Variants in RBFOX1 observed in about 807,000 individuals in gnomAD.
The protein encoded by RBFOX1 is RNA binding protein fox-1 homolog 1.
In RBFOX1, 8 loss-of-function variants were observed where a neutral mutation model predicts 57.7. That is an observed-to-expected ratio of 0.14 (90% CI 0.08 to 0.25). The LOEUF (loss-of-function observed/expected upper bound fraction) is 0.25, where lower values mean the gene tolerates loss of function less well. Among genes scored for constraint, RBFOX1 ranks in the 10% least tolerant of loss-of-function variants. The pLI is 1.00. For synonymous variants in RBFOX1, 326 were observed against 222.4 expected, an observed-to-expected ratio of 1.47 and a Z score of -4.15; for missense variants, 611 against 548.5, an observed-to-expected ratio of 1.11 and a Z score of -1.14.
chr16:5,793,208 C>G (rs1285231318), intron 3 of RBFOX1, among the ~76,000 whole-genome samples: 2 of 152,226 alleles, frequency 1.3e-5, no homozygotes, highest in East Asian at 3.9e-4. Context: ...CTTAGAGAGG[C>G]CAGGAGCCCA....
intron 1 of RBFOX1, among the ~76,000 whole-genome samples, chr16:6,222,878 AGT>A (rs1164638103): frequency 6.6e-6 from 1 of 151,660 alleles, no homozygotes; most frequent in Non-Finnish European, 1.5e-5. Context: ...CAGTCCCCAG[AGT>A]GTGATGTTCC....
At chr16:6,779,953 A>C (rs368866412) in intron 3 of RBFOX1, among the ~76,000 whole-genome samples, 505 of 40,526 alleles carry the variant, frequency 0.012, 3 homozygotes, top group Middle Eastern at 0.032. Context: ...ATATTTATAT[A>C]TTTATATATT....
At chr16:5,637,434 T>G (rs1344559031) in intron 3 of RBFOX1, among the ~76,000 whole-genome samples, 1 of 152,144 alleles carries the variant, frequency 6.6e-6, no homozygotes, top group East Asian at 1.9e-4. Context: ...AATTGATGTC[T>G]CTGAACTTCA....
intron 3 of RBFOX1, among the ~76,000 whole-genome samples, chr16:6,838,668 G>T (rs1477200893): frequency 6.6e-6 from 1 of 152,080 alleles, no homozygotes; most frequent in South Asian, 2.1e-4. Context: ...TCTTTATTGG[G>T]CAAAGCCGAT....
intron 2 of RBFOX1, among the ~76,000 whole-genome samples, chr16:5,512,250 A>G (rs1484419304): frequency 6.6e-6 from 1 of 152,234 alleles, no homozygotes; most frequent in African/African-American, 2.4e-5. Flanking sequence ...ATATGCATTT[A>G]GGAGGAGAAG....
intron 4 of RBFOX1, among the ~76,000 whole-genome samples, chr16:7,235,280 C>T (rs923430341): frequency 6.6e-6 from 1 of 152,266 alleles, no homozygotes; most frequent in African/African-American, 2.4e-5. Context: ...AGAAAGAAAG[C>T]CACTTGTTCA....
intron 2 of RBFOX1, among the ~76,000 whole-genome samples, chr16:6,418,101 G>A (rs1402046664): frequency 6.6e-6 from 1 of 152,258 alleles, no homozygotes; most frequent in African/African-American, 2.4e-5. Context: ...AAGTACGAAT[G>A]GTAAGTAACA....
chr16:7,524,992 C>T (rs1342854416), intron 5 of RBFOX1, among the ~76,000 whole-genome samples: 2 of 152,160 alleles, frequency 1.3e-5, no homozygotes, highest in Non-Finnish European at 2.9e-5. Context: ...TGAAAACTAA[C>T]ATGTCCTAAT....
At chr16:6,410,658 G>A (rs951965094) in intron 2 of RBFOX1, among the ~76,000 whole-genome samples, 4 of 152,124 alleles carry the variant, frequency 2.6e-5, no homozygotes, top group Non-Finnish European at 4.4e-5. Context: ...CAAGGCGTGC[G>A]GAAGCACACT....
intron 1 of RBFOX1, among the ~76,000 whole-genome samples, chr16:6,302,826 C>G (rs1022905143): frequency 3.9e-5 from 6 of 152,084 alleles, no homozygotes; most frequent in Non-Finnish European, 7.4e-5. Flanking sequence ...TTTAGTGATT[C>G]ATTTAGAAAA....
chr16:5,949,189 C>G (rs1019723761), intron 4 of RBFOX1, among the ~76,000 whole-genome samples: 9 of 152,044 alleles, frequency 5.9e-5, no homozygotes, highest in Non-Finnish European at 1.2e-4. Context: ...AACAATGATA[C>G]AAGGATATTA....
chr16:5,485,333 C>T (rs1232001968), intron 2 of RBFOX1, among the ~76,000 whole-genome samples: 1 of 79,522 alleles, frequency 1.3e-5, no homozygotes, highest in African/African-American at 4.8e-5. Context: ...GCGACAGAGC[C>T]AGACTCCGTG....
intron 4 of RBFOX1, among the ~76,000 whole-genome samples, chr16:7,399,242 G>A (rs1342196367): frequency 6.6e-6 from 1 of 152,226 alleles, no homozygotes; most frequent in African/African-American, 2.4e-5. Flanking sequence ...GAGGTCAGTA[G>A]TTTGAGACCA....
At chr16:7,121,518 A>G (rs1194705989) in intron 4 of RBFOX1, among the ~76,000 whole-genome samples, 2 of 152,072 alleles carry the variant, frequency 1.3e-5, no homozygotes, top group East Asian at 1.9e-4. Context: ...CAAACATATA[A>G]GAGATCTTTA....
chr16:7,313,545 G>C (rs1222776511), intron 4 of RBFOX1, among the ~76,000 whole-genome samples: 2 of 150,118 alleles, frequency 1.3e-5, no homozygotes, highest in African/African-American at 4.9e-5. Flanking sequence ...AGGAGAGGCA[G>C]CTTGTAAGAC....
At chr16:6,682,213 C>T (rs1410937093) in intron 3 of RBFOX1, among the ~76,000 whole-genome samples, 2 of 152,180 alleles carry the variant, frequency 1.3e-5, no homozygotes, top group Non-Finnish European at 2.9e-5. Flanking sequence ...ACAACAGCAA[C>T]GAACAACGCA....
intron 3 of RBFOX1, among the ~76,000 whole-genome samples, chr16:6,947,018 C>T (rs528302700): frequency 1.6e-4 from 24 of 152,310 alleles, no homozygotes; most frequent in Non-Finnish European, 2.2e-4. Flanking sequence ...GAGCAAGTCC[C>T]TTCACCTCTC....
At chr16:6,446,854 A>G (rs1261822468) in intron 2 of RBFOX1, among the ~76,000 whole-genome samples, 1 of 152,294 alleles carries the variant, frequency 6.6e-6, no homozygotes, top group African/African-American at 2.4e-5. Flanking sequence ...TGTCAGCCAC[A>G]TAGCGCTCTT....
chr16:7,699,294 C>G (rs368771796), intron 14 of RBFOX1, among the ~76,000 whole-genome samples: 2 of 152,198 alleles, frequency 1.3e-5, no homozygotes, highest in East Asian at 1.9e-4. Flanking sequence ...TGGGATCTAG[C>G]GATCCTCCCA....
Sources: gnomAD v4.1 joint callset for allele counts (sites outside exome capture counted in the v4.1 genomes callset) on GRCh38, gnomAD v4.1.1 for gene constraint, MANE v1.5 for transcripts, NCBI Gene and HGNC (gene_info 2026-07-23, HGNC 2026-07-21) for gene names.